TMEM38A: variants seen among roughly 807,000 people sequenced by gnomAD.
TMEM38A encodes trimeric intracellular cation channel type A.
TMEM38A carries 17 observed loss-of-function variants against 28.6 expected under a neutral mutation model. The observed-to-expected ratio is 0.60, with a 90% CI of 0.41 to 0.89. TMEM38A has a LOEUF of 0.89. TMEM38A is among the 40% of genes least tolerant of loss of function. TMEM38A has a pLI of 0.00. For synonymous variants in TMEM38A, 169 were observed against 166.1 expected, an observed-to-expected ratio of 1.02 and a Z score of -0.14; for missense variants, 328 against 393.1, an observed-to-expected ratio of 0.83 and a Z score of 1.40.
At chr19:16,671,764 T>G (rs1288383537) in intron 1 of TMEM38A, among the ~76,000 whole-genome samples, 1 of 152,330 alleles carries the variant, frequency 6.6e-6, no homozygotes, top group African/African-American at 2.4e-5. Flanking sequence ...ACACACATAC[T>G]GCAAACATGG....
In TMEM38A at chr19:16,661,776, G is replaced by A. The variant is rs1172600674; in HGVS notation, c.124+435G>A. Among the ~76,000 whole-genome samples, 1 of 151,976 alleles carries A rather than the reference G, an allele frequency of 6.6e-6. No homozygotes were observed. The highest frequency in any genetic ancestry group is 1.5e-5 in the Non-Finnish European group (1 of 67,996). Reference sequence around the variant, plus strand: ...GAGCGCCAGCGGAGTGTCTATAAGGGCCACTGCGCTGGGGGCTGCGGTCAG... The same window carrying A: ...GAGCGCCAGCGGAGTGTCTATAAGGACCACTGCGCTGGGGGCTGCGGTCAG... On this transcript the variant is annotated intron_variant, in intron 1 of 5. Transcript: ENST00000187762. The surrounding 1 kb of genome is among the most constrained non-coding windows in gnomAD (Gnocchi z 6.5).
In TMEM38A at chr19:16,661,331, G is replaced by C; in HGVS notation, c.114G>C (p.Lys38Asn). The C allele has an allele frequency of 1.3e-6, 2 of 1,590,224 alleles. No homozygotes were observed. The highest frequency in any genetic ancestry group is 1.7e-6 in the Non-Finnish European group (2 of 1,168,416). Reference protein sequence around the residue: ...SYFIVSILYLKYEPGAVELSR... With the variant: ...SYFIVSILYLNYEPGAVELSR... ...TCATCGTCTCCATCCTCTACCTCAA[G>C]TATGAGCCAGGTGAGCCGGGGCGGG... The change falls in exon 1 of 6, where the codon AAG becomes AAC. Residue 38 changes from lysine (K) to asparagine (N), a missense_variant. Transcript: ENST00000187762. This position sits in a 1 kb window ranked among gnomAD's most constrained non-coding sequence, Gnocchi z 6.5.
chr19:16,688,413 G>T lies in TMEM38A; in HGVS notation c.*42G>T. ...CACCGGGGAGAGGACCCGGACCCAG[G>T]ACCCTCTGAGCTGGGAGGCTTCCTG... On this transcript the variant is annotated 3_prime_UTR_variant, in exon 6 of 6. Transcript: ENST00000187762. 6.9e-7 allele frequency: 1 copy of T among 1,449,492 alleles called. No homozygotes were observed. The highest frequency in any genetic ancestry group is 9.1e-7 in the Non-Finnish European group (1 of 1,096,348). The allele number at this position is 1,449,492 out of a possible 1,614,324, so 89.8% of individuals were successfully genotyped here.
chr19:16,671,223 T>TTTTTTTTTTTTTTTTTTG (rs2086726256), intron 1 of TMEM38A, among the ~76,000 whole-genome samples: 3 of 122,702 alleles, frequency 2.4e-5, no homozygotes, highest in Admixed American at 8.5e-5. Flanking sequence ...TTTTTTTTTT[T>TTTTTTTTTTTTTTTTTTG]GAGGCGGAGT....
At position 16,661,438 on chromosome 19, in the gene TMEM38A, G is replaced by T; in HGVS notation, c.124+97G>T. 1 of 1,081,762 alleles carries T rather than the reference G, an allele frequency of 9.2e-7. No homozygotes were observed. The highest frequency in any genetic ancestry group is 1.7e-5 in the South Asian group (1 of 57,496). The allele number at this position is 1,081,762 out of a possible 1,614,324, so 67.0% of individuals were successfully genotyped here. ...AGAGGGGAAGCCCGTGCGTGGTGGA[G>T]GGAGCGAGGGACAGGTTCAAGGATT... On this transcript the variant is annotated intron_variant, in intron 1 of 5. Coordinates refer to ENST00000187762, the MANE Select transcript of TMEM38A (RefSeq NM_024074.4). This position sits in a 1 kb window ranked among gnomAD's most constrained non-coding sequence, Gnocchi z 6.5.
At chr19:16,680,235 C>G in intron 2 of TMEM38A, 95 bp downstream of exon 2, 2 of 1,523,094 alleles carry the variant, frequency 1.3e-6, no homozygotes, top group Non-Finnish European at 1.8e-6. Context: ...TAGAATGCAC[C>G]AGCAACAGCC....
At chr19:16,662,547 A>G (rs1386091853) in intron 1 of TMEM38A, among the ~76,000 whole-genome samples, 4 of 139,184 alleles carry the variant, frequency 2.9e-5, no homozygotes, top group Non-Finnish European at 6.0e-5. Context: ...TCCACCTTCC[A>G]GGTTCAAGCG....
chr19:16,686,859 G>A (rs1036382618), intron 5 of TMEM38A, among the ~76,000 whole-genome samples: 3 of 152,180 alleles, frequency 2.0e-5, no homozygotes, highest in African/African-American at 7.2e-5. Flanking sequence ...CCCTGGGTGA[G>A]GACTCCAGGG....
intron 5 of TMEM38A, among the ~76,000 whole-genome samples, 171 bp from the exon 6 acceptor site, chr19:16,687,973 G>A (rs532138578): frequency 2.6e-5 from 4 of 152,222 alleles, no homozygotes; most frequent in Admixed American, 6.5e-5. Context: ...TGAGATGGTC[G>A]CCCATCATCC....
At chr19:16,680,244 C>A in intron 2 of TMEM38A, 104 bp downstream of exon 2, 2 of 1,503,256 alleles carry the variant, frequency 1.3e-6, no homozygotes, top group Non-Finnish European at 1.8e-6. Flanking sequence ...CCAGCAACAG[C>A]CCTCATGATG....
At chr19:16,672,445 C>CCTTTTTT (rs1491240988) in intron 1 of TMEM38A, among the ~76,000 whole-genome samples, 2 of 100,436 alleles carry the variant, frequency 2.0e-5, no homozygotes, top group African/African-American at 7.7e-5. Flanking sequence ...AAAAAAACCT[C>CCTTTTTT]ATTTTTTTTT....
intron 1 of TMEM38A, among the ~76,000 whole-genome samples, chr19:16,676,365 AAGAG>A (rs1258075447): frequency 2.0e-5 from 3 of 152,192 alleles, no homozygotes; most frequent in African/African-American, 7.2e-5. Flanking sequence ...CAAACAAAAA[AAGAG>A]AGAGATTACA....
chr19:16,680,757 A>G, intron 3 of TMEM38A, 176 bp downstream of exon 3: 1 of 608,534 alleles, frequency 1.6e-6, no homozygotes, highest in East Asian at 2.8e-5. Flanking sequence ...AAATGGGAAG[A>G]TTCTTCTAGA....
intron 1 of TMEM38A, among the ~76,000 whole-genome samples, chr19:16,673,245 C>T (rs1224456545): frequency 6.6e-6 from 1 of 152,064 alleles, no homozygotes; most frequent in Non-Finnish European, 1.5e-5. Context: ...CCATGCCTGG[C>T]TAATTTTTGT....
rs950728063 is a variant in TMEM38A at position 16,661,139 on chromosome 19, G to T, written c.-79G>T. 3.9e-6 allele frequency: 4 copies of T among 1,018,212 alleles called. No individual in the cohort carries two copies. The East Asian group carries it at 2.7e-4, about 68-fold the overall frequency. The allele number at this position is 1,018,212 out of a possible 1,614,324, so 63.1% of individuals were successfully genotyped here. On this transcript the variant is annotated 5_prime_UTR_variant, in exon 1 of 6. Transcript: ENST00000187762. This position sits in a 1 kb window ranked among gnomAD's most constrained non-coding sequence, Gnocchi z 6.5. ...CGGGGGCGGGCCCAGCTGCGGGGGCGCAGTCGCCGGGCCGCGGGCGGCGGG... is the reference window on the plus strand; with the variant it reads ...CGGGGGCGGGCCCAGCTGCGGGGGCTCAGTCGCCGGGCCGCGGGCGGCGGG...
In TMEM38A at chr19:16,661,334, T is replaced by C. The variant is rs1439165666; in HGVS notation, c.117T>C (p.Tyr39=). The change falls in exon 1 of 6, where the codon TAT becomes TAC. Residue 39 remains tyrosine (Y), a synonymous_variant. Transcript: ENST00000187762. This position sits in a 1 kb window ranked among gnomAD's most constrained non-coding sequence, Gnocchi z 6.5. Reference sequence around the variant, plus strand: ...TCGTCTCCATCCTCTACCTCAAGTATGAGCCAGGTGAGCCGGGGCGGGGGG... The same window carrying C: ...TCGTCTCCATCCTCTACCTCAAGTACGAGCCAGGTGAGCCGGGGCGGGGGG... ...YFIVSILYLK[Y]EPGAVELSRR... 2 of 1,584,400 alleles carry C rather than the reference T, an allele frequency of 1.3e-6. No homozygotes were observed. Among genetic ancestry groups the C allele is most frequent in the South Asian group, 2.3e-5 (2 of 88,150 alleles).
rs1433058285 is a variant in TMEM38A, at chr19:16,680,082, G to T, written c.223G>T (p.Glu75Ter). 3 of 1,611,382 alleles carry T rather than the reference G, an allele frequency of 1.9e-6. No individual in the cohort carries two copies. Among genetic ancestry groups the T allele is most frequent in the Non-Finnish European group, 2.5e-6 (3 of 1,180,004 alleles). ...SYILADLLLG[E>*]PLIDYFSNNS... ...CATCCTGGCTGATCTGCTCCTTGGG[G>T]AGCCACTGATCGATTACTTCAGCAA... The change falls in exon 2 of 6, where the codon GAG (glutamate) becomes TAG (stop). Residue 75 changes from glutamate to a stop codon, truncating the protein, a stop_gained. Transcript: ENST00000187762. LOFTEE classifies it high-confidence loss of function.
chr19:16,676,782 GTA>G (rs1372034202), intron 1 of TMEM38A, among the ~76,000 whole-genome samples: 5 of 132,786 alleles, frequency 3.8e-5, no homozygotes, highest in African/African-American at 1.5e-4. Flanking sequence ...TTTTTGAGAG[GTA>G]GTCTCGCTGT....
chr19:16,671,044 A>T (rs2086725152), intron 1 of TMEM38A, among the ~76,000 whole-genome samples: 1 of 152,104 alleles, frequency 6.6e-6, no homozygotes, highest in South Asian at 2.1e-4. Context: ...CATATGGGCA[A>T]ACTGAGGCCC....
Sources: allele counts gnomAD v4.1 joint callset (sites outside exome capture counted in the v4.1 genomes callset), GRCh38; gene constraint gnomAD v4.1.1; non-coding constraint Gnocchi (gnomAD v3.1); transcripts MANE v1.5; gene names NCBI Gene and HGNC (gene_info 2026-07-23, HGNC 2026-07-21).